The following NIBAN2 variants were observed in gnomAD, a reference collection of about 807,000 sequenced individuals.
The protein encoded by NIBAN2 is niban apoptosis regulator 2.
NIBAN2 carries 36 observed loss-of-function variants against 81.8 expected under a neutral mutation model. That is an observed-to-expected ratio of 0.44 (90% CI 0.34 to 0.58). NIBAN2 has a LOEUF of 0.58. NIBAN2 is among the 20% of genes least tolerant of loss of function. The pLI is 0.02. For missense variants in NIBAN2, 897 were observed against 1,014.1 expected (o/e 0.88, Z 1.57); for synonymous variants, 445 against 441.6 (o/e 1.01, Z -0.10).
chr9:127,511,983 AC>A (rs1466324247), intron 8 of NIBAN2, among the ~76,000 whole-genome samples: 6 of 152,212 alleles, frequency 3.9e-5, no homozygotes, highest in African/African-American at 1.4e-4. Flanking sequence ...GAACCTCCGT[AC>A]ACTGCTGGTG....
chr9:127,506,759 A>C lies in NIBAN2; in HGVS notation c.*86T>G. The C allele has an allele frequency of 1.5e-6, 2 of 1,307,426 alleles. No homozygotes were observed. Among genetic ancestry groups the C allele is most frequent in the Non-Finnish European group, 2.1e-6 (2 of 952,570 alleles). 81.0% of individuals were successfully genotyped at this position (1,307,426 alleles called of 1,614,324 possible). On this transcript the variant is annotated 3_prime_UTR_variant, in exon 14 of 14. Transcript: ENST00000373312. The stretch of plus-strand genomic sequence containing the variant: ...CCCCGCCTCCACCCACAAGGCACAG[A>C]CCAGGGTGCCCTCCCCAGAGCTGAG...
Position 127,559,214 on chromosome 9 carries a change from G to T in NIBAN2, c.55+9606C>A, listed in dbSNP as rs868842289. Among the ~76,000 whole-genome samples, 3 of 152,328 alleles carry T rather than the reference G, an allele frequency of 2.0e-5. No homozygotes were observed. The highest frequency in any genetic ancestry group is 3.4e-3 in the Middle Eastern group (1 of 294). ...GGCTCATGTCACTGCTTTGTCCCCA[G>T]TTCCCAGCTCAGGCCAGGAACAGGA... On this transcript the variant is annotated intron_variant, in intron 1 of 13. Coordinates refer to ENST00000373312, the MANE Select transcript of NIBAN2 (RefSeq NM_022833.4). This position sits in a 1 kb window ranked among gnomAD's most constrained non-coding sequence, Gnocchi z 4.0.
chr9:127,526,398 CAAAAAAAAA>C (rs71495649), intron 3 of NIBAN2, among the ~76,000 whole-genome samples: 1 of 92,592 alleles, frequency 1.1e-5, no homozygotes, highest in Non-Finnish European at 2.0e-5. Context: ...GACTTCATCT[CAAAAAAAAA>C]AAAAAAAAGA....
At chr9:127,577,136 C>T (rs1838019916) in intron 1 of NIBAN2, among the ~76,000 whole-genome samples, 1 of 151,702 alleles carries the variant, frequency 6.6e-6, no homozygotes, top group Non-Finnish European at 1.5e-5. Context: ...GGTGAAAGCC[C>T]GTCTCTACTA....
intron 1 of NIBAN2, among the ~76,000 whole-genome samples, chr9:127,550,061 G>A (rs1287285311): frequency 6.6e-6 from 1 of 152,196 alleles, no homozygotes; most frequent in Non-Finnish European, 1.5e-5. Context: ...GACCGCCTCA[G>A]TGTCTCCCCA....
chr9:127,531,193 AAT>A (rs1837172614), intron 2 of NIBAN2, among the ~76,000 whole-genome samples: 1 of 99,404 alleles, frequency 1.0e-5, no homozygotes, highest in African/African-American at 3.6e-5. Context: ...AAAAAAATTG[AAT>A]AAGCCGCACA....
intron 9 of NIBAN2, chr9:127,509,942 C>G: frequency 2.5e-6 from 1 of 393,552 alleles, no homozygotes; most frequent in Non-Finnish European, 4.6e-6. Flanking sequence ...GCTAATGTTC[C>G]CTCTTTCCTC....
rs749061678 is a variant in NIBAN2 at position 127,506,905 on chromosome 9, G to C, written c.2181C>G (p.Ser727Arg). The part of the protein sequence containing the change: ...QETGEQVSSP[S>R]SHPALHTTTE... The stretch of plus-strand genomic sequence containing the variant: ...TGGTGGTGTGGAGGGCGGGGTGGCT[G>C]CTGGGGCTGGACACCTGCTCTCCAG... Residue 727 changes from serine (S) to arginine (R), a missense_variant, in exon 14 of 14, where the codon AGC becomes AGG. Coordinates refer to ENST00000373312, the MANE Select transcript of NIBAN2 (RefSeq NM_022833.4). 1.9e-6 allele frequency: 3 copies of C among 1,612,388 alleles called. No homozygotes were observed. In the East Asian group the frequency reaches 6.7e-5, roughly 36 times the overall value.
intron 1 of NIBAN2, among the ~76,000 whole-genome samples, chr9:127,556,188 G>C (rs1398566209): frequency 6.6e-6 from 1 of 152,242 alleles, no homozygotes; most frequent in Non-Finnish European, 1.5e-5. Context: ...AAGCCAGTGA[G>C]TCACGCTTCG....
At chr9:127,539,401 T>C (rs1837337487) in intron 1 of NIBAN2, among the ~76,000 whole-genome samples, 1 of 152,102 alleles carries the variant, frequency 6.6e-6, no homozygotes, top group Admixed American at 6.5e-5. Context: ...ACTATCCTCA[T>C]CTTACAGACG....
Position 127,517,544 on chromosome 9 carries a change from G to T in NIBAN2, c.705+282C>A, listed in dbSNP as rs1451042660. ...TATTTGCCAAATGTCTGTTTCTCCT[G>T]CTATACGGAGAGCTCCCTGAGGGCC... On this transcript the variant is annotated intron_variant, in intron 6 of 13. Coordinates refer to ENST00000373312, the MANE Select transcript of NIBAN2 (RefSeq NM_022833.4). This position sits in a 1 kb window ranked among gnomAD's most constrained non-coding sequence, Gnocchi z 4.0. Among the ~76,000 whole-genome samples, 1 of 152,132 alleles carries T rather than the reference G, an allele frequency of 6.6e-6. No homozygotes were observed.
chr9:127,530,623 C>T (rs1837160842), intron 2 of NIBAN2, among the ~76,000 whole-genome samples: 1 of 152,256 alleles, frequency 6.6e-6, no homozygotes, highest in South Asian at 2.1e-4. Context: ...CAGCATCCTA[C>T]TATTTATATC....
intron 1 of NIBAN2, among the ~76,000 whole-genome samples, chr9:127,538,323 C>T (rs555470896): frequency 3.3e-5 from 5 of 152,230 alleles, no homozygotes; most frequent in Admixed American, 2.6e-4. Context: ...GCCTATCCAC[C>T]GACAACTTAC....
At chr9:127,544,799 C>T (rs1036409277) in intron 1 of NIBAN2, among the ~76,000 whole-genome samples, 2 of 152,184 alleles carry the variant, frequency 1.3e-5, no homozygotes, top group African/African-American at 4.8e-5. Context: ...CCACCGCACC[C>T]GGCCATGGCT....
At chr9:127,524,080 G>A (rs1437115737) in intron 4 of NIBAN2, among the ~76,000 whole-genome samples, 2 of 152,152 alleles carry the variant, frequency 1.3e-5, no homozygotes, top group African/African-American at 4.8e-5. Context: ...TTCTTAGAGT[G>A]GGTAATAAGT....
At chr9:127,561,125 G>T (rs1482210753) in intron 1 of NIBAN2, 6 of 985,306 alleles carry the variant, frequency 6.1e-6, no homozygotes, top group Non-Finnish European at 1.2e-6. Context: ...GCACAGAGTG[G>T]ATGCTGCTGC....
intron 1 of NIBAN2, among the ~76,000 whole-genome samples, chr9:127,533,250 A>G (rs1837217222): frequency 6.6e-6 from 1 of 151,754 alleles, no homozygotes; most frequent in Admixed American, 6.6e-5. Flanking sequence ...AGGTCAGGAG[A>G]TAGAGACCAC....
chr9:127,577,978 C>T (rs958813987), intron 1 of NIBAN2, among the ~76,000 whole-genome samples: 4 of 151,906 alleles, frequency 2.6e-5, no homozygotes, highest in Admixed American at 2.0e-4. Context: ...CTCACAATGT[C>T]AGGAATTTGA....
intron 2 of NIBAN2, among the ~76,000 whole-genome samples, chr9:127,530,092 C>G (rs961731854): frequency 6.6e-6 from 1 of 152,212 alleles, no homozygotes; most frequent in Non-Finnish European, 1.5e-5. Context: ...CATTCTGGCC[C>G]CGCTCACCTG....
Sources: allele counts gnomAD v4.1 joint callset (sites outside exome capture counted in the v4.1 genomes callset), GRCh38; gene constraint gnomAD v4.1.1; non-coding constraint Gnocchi (gnomAD v3.1); transcripts MANE v1.5; gene names NCBI Gene and HGNC (gene_info 2026-07-23, HGNC 2026-07-21).